ITPR2: variants seen among roughly 807,000 people sequenced by gnomAD.
ITPR2 encodes the protein inositol 1,4,5-trisphosphate receptor type 2.
Under a neutral mutation model 317.1 loss-of-function variants are expected in ITPR2, and 207 were observed. That is an observed-to-expected ratio of 0.65 (90% CI 0.58 to 0.73). ITPR2 has a LOEUF of 0.73. Among genes scored for constraint, ITPR2 ranks in the 30% least tolerant of loss-of-function variants. The pLI, the probability that ITPR2 is intolerant of heterozygous loss-of-function variation, is 0.00. For synonymous variants in ITPR2, 1,156 were observed against 1,149.1 expected, an observed-to-expected ratio of 1.01 and a Z score of -0.12; for missense variants, 2,613 against 3,284.0, an observed-to-expected ratio of 0.80 and a Z score of 4.99.
chr12:26,670,516 A>C (rs1947742491), intron 13 of ITPR2, among the ~76,000 whole-genome samples: 1 of 152,198 alleles, frequency 6.6e-6, no homozygotes, highest in Non-Finnish European at 1.5e-5. Context: ...AAACTAACAA[A>C]CGGAAAGGAC....
chr12:26,657,655 C>T (rs1947401361), intron 18 of ITPR2, 52 bp downstream of exon 18: 2 of 1,513,176 alleles, frequency 1.3e-6, no homozygotes, highest in Admixed American at 3.5e-5. Flanking sequence ...AACCAGTTCT[C>T]AATTAATATG....
intron 2 of ITPR2, among the ~76,000 whole-genome samples, chr12:26,774,497 C>A (rs927020651): frequency 3.3e-5 from 5 of 152,274 alleles, no homozygotes; most frequent in African/African-American, 1.2e-4. Flanking sequence ...TTAAATAATT[C>A]TTTTCTAGAG....
chr12:26,421,753 A>G (rs10842728), intron 49 of ITPR2, among the ~76,000 whole-genome samples: 60,230 of 147,784 alleles, frequency 0.41, 13,626 homozygotes, highest in Non-Finnish European at 0.53. Context: ...TGGTGCTAAG[A>G]GGTTCCTCAA....
chr12:26,475,070 C>T (rs1942386639), intron 45 of ITPR2, among the ~76,000 whole-genome samples: 1 of 152,118 alleles, frequency 6.6e-6, no homozygotes, highest in Non-Finnish European at 1.5e-5. Flanking sequence ...CCCTTCTGGT[C>T]CAGTAGTTTT....
intron 2 of ITPR2, among the ~76,000 whole-genome samples, chr12:26,749,054 C>T (rs955406656): frequency 1.3e-5 from 2 of 149,864 alleles, no homozygotes; most frequent in Non-Finnish European, 1.5e-5. Flanking sequence ...GATTTGACTA[C>T]GTGATATCAG....
intron 26 of ITPR2, among the ~76,000 whole-genome samples, chr12:26,616,468 T>C (rs538784687): frequency 2.4e-4 from 37 of 152,316 alleles, no homozygotes; most frequent in African/African-American, 8.4e-4. Context: ...CACTTCCAAG[T>C]AATTCTAAGA....
intron 13 of ITPR2, among the ~76,000 whole-genome samples, chr12:26,678,773 T>C (rs1317373154): frequency 6.6e-6 from 1 of 152,220 alleles, no homozygotes; most frequent in Non-Finnish European, 1.5e-5. Context: ...TAAAAATGCA[T>C]GCTCTCTAGT....
At chr12:26,413,246 C>T (rs1206613508) in intron 51 of ITPR2, among the ~76,000 whole-genome samples, 2 of 152,262 alleles carry the variant, frequency 1.3e-5, no homozygotes, top group Non-Finnish European at 2.9e-5. Context: ...TTTGCAATGG[C>T]ATTTGCCAAT....
chr12:26,429,378 G>A (rs1157030952), intron 48 of ITPR2, among the ~76,000 whole-genome samples: 1 of 152,152 alleles, frequency 6.6e-6, no homozygotes, highest in East Asian at 1.9e-4. Context: ...ATTTGGAGAT[G>A]GGGAAAGAAA....
intron 45 of ITPR2, among the ~76,000 whole-genome samples, chr12:26,462,835 C>A (rs553898575): frequency 1.3e-5 from 2 of 151,530 alleles, no homozygotes; most frequent in Admixed American, 1.3e-4. Context: ...CCATGCCTGG[C>A]TAATTTTTGT....
At chr12:26,523,009 G>A (rs1050734005) in intron 37 of ITPR2, among the ~76,000 whole-genome samples, 5 of 152,134 alleles carry the variant, frequency 3.3e-5, no homozygotes, top group Non-Finnish European at 7.3e-5. Context: ...CAATTCTAAC[G>A]AGCATTGTCT....
chr12:26,459,414 G>A (rs1941962032), intron 45 of ITPR2, among the ~76,000 whole-genome samples: 1 of 152,202 alleles, frequency 6.6e-6, no homozygotes, highest in Non-Finnish European at 1.5e-5. Context: ...TTTGCAGGTA[G>A]TAAATCCCAC....
chr12:26,800,541 T>C (rs1327813743), intron 1 of ITPR2, among the ~76,000 whole-genome samples: 1 of 152,094 alleles, frequency 6.6e-6, no homozygotes, highest in Non-Finnish European at 1.5e-5. Context: ...GGCAGGGGGA[T>C]TTCTTGAGCC....
chr12:26,710,093 G>C (rs1029691150), intron 9 of ITPR2, among the ~76,000 whole-genome samples: 7 of 152,128 alleles, frequency 4.6e-5, no homozygotes, highest in Non-Finnish European at 1.0e-4. Context: ...ACATAGCCAG[G>C]CATGGTGGTG....
At chr12:26,468,692 A>G (rs1197216392) in intron 45 of ITPR2, among the ~76,000 whole-genome samples, 2 of 152,210 alleles carry the variant, frequency 1.3e-5, no homozygotes, top group South Asian at 2.1e-4. Context: ...AGTTTTTTAA[A>G]TTATAATACT....
intron 55 of ITPR2, among the ~76,000 whole-genome samples, chr12:26,356,711 C>T (rs1466675361): frequency 1.3e-5 from 2 of 152,122 alleles, no homozygotes; most frequent in African/African-American, 2.4e-5. Flanking sequence ...ATACATTTTT[C>T]TCATTGATTG....
Position 26,741,152 on chromosome 12 carries a change from C to T in ITPR2, c.164-15387G>A, listed in dbSNP as rs1274611136. Among the ~76,000 whole-genome samples, 4 of 152,242 alleles carry T rather than the reference C, an allele frequency of 2.6e-5. 1 individual carries two copies. The South Asian group carries it at 8.3e-4, about 31-fold the overall frequency. On this transcript the variant is annotated intron_variant, in intron 2 of 56. Transcript: ENST00000381340. ...GGAAACTCAGGCTGAGGAGAGGAGG[C>T]TCCCATTGAGGGGGAGAGCTTGGGG...
rs562985900 is a variant in ITPR2, at chr12:26,416,858, GA to G, written c.7111-1361del. On this transcript the variant is annotated intron_variant, in intron 50 of 56. Transcript: ENST00000381340. ...TAAGTCAACTCAGCTGAGGTTTAAAGAAAAAAAAATCTGGCAATGTGCTGTA... is the reference window on the plus strand; with the variant it reads ...TAAGTCAACTCAGCTGAGGTTTAAAGAAAAAAAATCTGGCAATGTGCTGTA... Among the ~76,000 whole-genome samples the G allele has an allele frequency of 3.2e-4, 49 of 151,650 alleles. No homozygotes were observed. The East Asian group carries it at 5.8e-3, about 18-fold the overall frequency.
intron 37 of ITPR2, among the ~76,000 whole-genome samples, chr12:26,509,664 T>G (rs746433052): frequency 4.6e-5 from 7 of 152,162 alleles, no homozygotes; most frequent in Non-Finnish European, 8.8e-5. Context: ...CATGAAATTG[T>G]ATGTGTCAAT....
Sources: allele counts gnomAD v4.1 joint callset (sites outside exome capture counted in the v4.1 genomes callset), GRCh38; gene constraint gnomAD v4.1.1; transcripts MANE v1.5; gene names NCBI Gene and HGNC (gene_info 2026-07-23, HGNC 2026-07-21).